KLHL29: variants seen among roughly 807,000 people sequenced by gnomAD.
KLHL29 encodes kelch-like protein 29.
Under a neutral mutation model 80.4 loss-of-function variants are expected in KLHL29, and 21 were observed. The ratio of observed to expected loss-of-function variants is 0.26; its 90% CI spans 0.19 to 0.38. KLHL29 has a LOEUF of 0.38. Among genes scored for constraint, KLHL29 ranks in the 10% least tolerant of loss-of-function variants. The probability of loss-of-function intolerance (pLI) is 1.00; values close to 1 mark genes in which losing one functional copy is unlikely to be tolerated. For missense variants in KLHL29, 867 were observed against 1,223.9 expected, an observed-to-expected ratio of 0.71 and a Z score of 4.35; for synonymous variants, 511 against 526.8, an observed-to-expected ratio of 0.97 and a Z score of 0.41.
chr2:23,517,773 G>T (rs979423585), intron 2 of KLHL29, among the ~76,000 whole-genome samples: 3 of 152,222 alleles, frequency 2.0e-5, no homozygotes, highest in Admixed American at 2.0e-4. Flanking sequence ...TTGCTCAGCA[G>T]CTCCCTGTGG....
chr2:23,497,241 T>C (rs1665294757), intron 2 of KLHL29, among the ~76,000 whole-genome samples: 1 of 152,174 alleles, frequency 6.6e-6, no homozygotes, highest in African/African-American at 2.4e-5. Flanking sequence ...TGAAAGTAAG[T>C]GACTCCTTTT....
intron 5 of KLHL29, among the ~76,000 whole-genome samples, chr2:23,649,333 T>A (rs889864): frequency 6.6e-4 from 100 of 152,306 alleles, no homozygotes; most frequent in Middle Eastern, 6.8e-3. Flanking sequence ...TCGCCTGAGC[T>A]GTACCTGCCC....
At chr2:23,600,305 TC>T (rs1192612188) in intron 3 of KLHL29, among the ~76,000 whole-genome samples, 1 of 152,214 alleles carries the variant, frequency 6.6e-6, no homozygotes, top group East Asian at 1.9e-4. Flanking sequence ...CAACATGGTA[TC>T]CTTTCATAGG....
In KLHL29 at chr2:23,495,363, A is replaced by G. The variant is rs1665231991; in HGVS notation, c.-46+19696A>G. On this transcript the variant is annotated intron_variant, in intron 2 of 13. Transcript: ENST00000486442. The stretch of plus-strand genomic sequence containing the variant: ...CTTTTTGGTGAGGTGGGTCCAGGTC[A>G]TTGCCCCTACCTGGCTCTGGGACAC... Among the ~76,000 whole-genome samples, 6 of 152,120 alleles carry G rather than the reference A, an allele frequency of 3.9e-5. 1 individual carries two copies. In the South Asian group the frequency reaches 1.2e-3, roughly 32 times the overall value.
Position 23,414,801 on chromosome 2 carries a change from G to C in KLHL29, c.-154+29021G>C, listed in dbSNP as rs114652015. On this transcript the variant is annotated intron_variant, in intron 1 of 13. Transcript: ENST00000486442. ...GAGGAAAATACTGACACCATGCAGT[G>C]AGTTTTTCATAGAACTAAATGCATT... 3.5e-3 allele frequency among the ~76,000 whole-genome samples: 533 copies of C among 152,350 alleles called. 4 individuals carry two copies. The highest frequency in any genetic ancestry group is 0.012 in the African/African-American group (515 of 41,582).
chr2:23,537,483 T>C (rs944606279), intron 2 of KLHL29, among the ~76,000 whole-genome samples: 3 of 140,950 alleles, frequency 2.1e-5, no homozygotes, highest in African/African-American at 7.6e-5. Flanking sequence ...CACACGCTTC[T>C]CCAGCAGATC....
At chr2:23,495,516 C>A (rs1181762264) in intron 2 of KLHL29, among the ~76,000 whole-genome samples, 1 of 152,146 alleles carries the variant, frequency 6.6e-6, no homozygotes, top group Non-Finnish European at 1.5e-5. Context: ...TATCTTCTGC[C>A]CTGGGTGGCA....
At chr2:23,576,918 TAGTC>T (rs71400592) in intron 3 of KLHL29, among the ~76,000 whole-genome samples, 2,696 of 152,234 alleles carry the variant, frequency 0.018, 40 homozygotes, top group Non-Finnish European at 0.029. Flanking sequence ...CGCGGTCAGA[TAGTC>T]AGTCAGGCAC....
At chr2:23,658,503 T>G (rs1351162037) in intron 5 of KLHL29, among the ~76,000 whole-genome samples, 2 of 152,158 alleles carry the variant, frequency 1.3e-5, no homozygotes, top group Non-Finnish European at 1.5e-5. Context: ...CCACGTCCCC[T>G]TGACACTGGC....
intron 3 of KLHL29, among the ~76,000 whole-genome samples, chr2:23,598,893 G>T (rs1030282): frequency 6.6e-6 from 1 of 152,076 alleles, no homozygotes; most frequent in Non-Finnish European, 1.5e-5. Flanking sequence ...GGCCCTCTTC[G>T]GCCCCAGAAG....
chr2:23,626,279 C>T (rs968662415), intron 3 of KLHL29, among the ~76,000 whole-genome samples: 31 of 152,192 alleles, frequency 2.0e-4, no homozygotes, highest in African/African-American at 6.3e-4. Flanking sequence ...GTAATGCCAG[C>T]AATGGGGAGC....
At chr2:23,436,632 G>T (rs1235791843) in intron 1 of KLHL29, among the ~76,000 whole-genome samples, 1 of 152,366 alleles carries the variant, frequency 6.6e-6, no homozygotes, top group African/African-American at 2.4e-5. Context: ...GAAGCGGGAA[G>T]AGGAGCCCTG....
chr2:23,691,862 G>A lies in KLHL29; in HGVS notation c.1268G>A (p.Cys423Tyr). The change falls in exon 7 of 14, where the codon TGC (cysteine) becomes TAC (tyrosine). Residue 423 changes from cysteine (C) to tyrosine (Y), a missense_variant. Coordinates refer to ENST00000486442, the MANE Select transcript of KLHL29 (RefSeq NM_052920.2). Reference sequence around the variant, plus strand: ...CAGTTCCACACCTTCTGCAAAGTCTGCGTGTCCTTTCTCGGTGAGCCCGGG... The same window carrying A: ...CAGTTCCACACCTTCTGCAAAGTCTACGTGTCCTTTCTCGGTGAGCCCGGG... Reference protein sequence around the residue: ...KFQFHTFCKVCVSFLEKQLTA... With the variant: ...KFQFHTFCKVYVSFLEKQLTA... 6.4e-7 allele frequency: 1 copy of A among 1,550,420 alleles called. No homozygotes were observed. Among genetic ancestry groups the A allele is most frequent in the Non-Finnish European group, 8.7e-7 (1 of 1,146,992 alleles).
intron 1 of KLHL29, among the ~76,000 whole-genome samples, chr2:23,468,235 C>T (rs1664403916): frequency 6.6e-6 from 1 of 152,200 alleles, no homozygotes; most frequent in African/African-American, 2.4e-5. Flanking sequence ...GATTTAGATG[C>T]AGCTCCCTCA....
chr2:23,703,735 C>T lies in KLHL29; in HGVS notation c.2316C>T (p.Pro772=), dbSNP rs1404395980. The T allele has an allele frequency of 9.1e-6, 14 of 1,536,636 alleles. No individual in the cohort carries two copies. In the East Asian group the frequency reaches 1.5e-4, roughly 16 times the overall value. The change falls in exon 13 of 14, where the codon CCC becomes CCT. Residue 772 remains proline (P), a synonymous_variant. Transcript: ENST00000486442. ...ESPMIDNKYA[P]AVTLNGFVFI... ...TCCTCACAGACAACAAGTATGCCCC[C>T]GCTGTCACGCTCAATGGCTTCGTTT...
intron 1 of KLHL29, among the ~76,000 whole-genome samples, chr2:23,421,404 GCCTCTCCTCT>G (rs548690870): frequency 6.6e-6 from 1 of 152,190 alleles, no homozygotes; most frequent in Non-Finnish European, 1.5e-5. Context: ...GGCCGTCTCT[GCCTCTCCTCT>G]CCTCTCCTCC....
At chr2:23,464,988 C>G (rs1462667527) in intron 1 of KLHL29, among the ~76,000 whole-genome samples, 1 of 152,188 alleles carries the variant, frequency 6.6e-6, no homozygotes, top group Admixed American at 6.5e-5. Flanking sequence ...CAACAGCAGC[C>G]CTTCCTCATC....
Position 23,387,013 on chromosome 2 carries a change from C to G in KLHL29, c.-154+1233C>G, listed in dbSNP as rs1419706036. 2.6e-5 allele frequency among the ~76,000 whole-genome samples: 4 copies of G among 152,282 alleles called. No homozygotes were observed. The South Asian group carries it at 8.3e-4, about 32-fold the overall frequency. The stretch of plus-strand genomic sequence containing the variant: ...CGTTGGCGGGCCCTCGCGCGGGCCC[C>G]CAGAGATGCTGATGGGTAAGGAGCT... On this transcript the variant is annotated intron_variant, in intron 1 of 13. Transcript: ENST00000486442.
intron 5 of KLHL29, among the ~76,000 whole-genome samples, chr2:23,678,840 T>A (rs1670993776): frequency 6.6e-6 from 1 of 152,128 alleles, no homozygotes; most frequent in Admixed American, 6.5e-5. Context: ...ATTCCACTTA[T>A]AAGAGGGTCT....
Sources: allele counts gnomAD v4.1 joint callset (sites outside exome capture counted in the v4.1 genomes callset), GRCh38; gene constraint gnomAD v4.1.1; transcripts MANE v1.5; gene names NCBI Gene and HGNC (gene_info 2026-07-23, HGNC 2026-07-21).